PITPNC1: variants seen among roughly 807,000 people sequenced by gnomAD.
The protein encoded by PITPNC1 is cytoplasmic phosphatidylinositol transfer protein 1.
In PITPNC1, 18 loss-of-function variants were observed where a neutral mutation model predicts 44.7. The ratio of observed to expected loss-of-function variants is 0.40; its 90% CI spans 0.28 to 0.60. The LOEUF is 0.60. Ranked by LOEUF, PITPNC1 falls within the 20% of genes least tolerant of loss-of-function variation. The pLI, the probability that PITPNC1 is intolerant of heterozygous loss-of-function variation, is 0.39. For missense variants in PITPNC1, 290 were observed against 418.4 expected, an observed-to-expected ratio of 0.69 and a Z score of 2.68; for synonymous variants, 141 against 149.6, an observed-to-expected ratio of 0.94 and a Z score of 0.42.
At chr17:67,474,705 G>A (rs918830563) in intron 1 of PITPNC1, among the ~76,000 whole-genome samples, 2 of 152,102 alleles carry the variant, frequency 1.3e-5, no homozygotes, top group Admixed American at 1.3e-4. Flanking sequence ...CAAGGCTGGA[G>A]TGCAGTGGCA....
At chr17:67,530,674 A>G (rs1004250534) in intron 1 of PITPNC1, among the ~76,000 whole-genome samples, 10 of 152,156 alleles carry the variant, frequency 6.6e-5, no homozygotes, top group African/African-American at 2.4e-4. Context: ...GTTCCATTCT[A>G]TGGCTGAATA....
chr17:67,412,310 A>G (rs976309263), intron 1 of PITPNC1, among the ~76,000 whole-genome samples: 8 of 152,226 alleles, frequency 5.3e-5, no homozygotes, highest in Admixed American at 3.3e-4. Flanking sequence ...GATGAGAAAC[A>G]TGGGGGTCAA....
intron 1 of PITPNC1, among the ~76,000 whole-genome samples, chr17:67,385,800 T>A (rs1262199230): frequency 1.3e-5 from 2 of 152,012 alleles, no homozygotes; most frequent in Non-Finnish European, 2.9e-5. Flanking sequence ...TAAATAGATT[T>A]GTGCAAACCT....
chr17:67,624,567 C>T (rs2364965), intron 5 of PITPNC1, among the ~76,000 whole-genome samples: 7 of 151,208 alleles, frequency 4.6e-5, no homozygotes, highest in East Asian at 1.9e-4. Context: ...TTATTTATAC[C>T]GAGTCTTGCT....
intron 5 of PITPNC1, among the ~76,000 whole-genome samples, chr17:67,584,550 A>T (rs2041284953): frequency 6.6e-6 from 1 of 152,192 alleles, no homozygotes; most frequent in South Asian, 2.1e-4. Flanking sequence ...TTAAAAAAAA[A>T]ATAGGATAAA....
At position 67,647,464 on chromosome 17, in the gene PITPNC1, GTTTTTTTTTTTTT is replaced by G. The variant is rs60407940; in HGVS notation, c.462+15243_462+15255del. Among the ~76,000 whole-genome samples the G allele has an allele frequency of 1.7e-4, 12 of 72,360 alleles. No homozygotes were observed. The East Asian group carries it at 4.0e-3, about 24-fold the overall frequency. 47.5% of individuals were successfully genotyped at this position (72,360 alleles called of 152,430 possible). ...CACCATCACACCCAGCTAATTTTGG[GTTTTTTTTTTTTT>G]TTTTTTTTTTTTTTTTGTAGAGACG... On this transcript the variant is annotated intron_variant, in intron 6 of 8. Transcript: ENST00000581322.
chr17:67,544,350 T>C (rs573502594), intron 2 of PITPNC1, among the ~76,000 whole-genome samples: 1 of 152,330 alleles, frequency 6.6e-6, no homozygotes, highest in South Asian at 2.1e-4. Context: ...TTCTTTTCAC[T>C]TCGTCGCTAG....
At chr17:67,685,075 C>T (rs868301152) in intron 8 of PITPNC1, among the ~76,000 whole-genome samples, 1 of 152,138 alleles carries the variant, frequency 6.6e-6, no homozygotes, top group Admixed American at 6.5e-5. Flanking sequence ...TAAAAGTGAT[C>T]GTCTAGTATT....
chr17:67,600,624 T>C (rs192395845), intron 5 of PITPNC1, among the ~76,000 whole-genome samples: 2 of 152,116 alleles, frequency 1.3e-5, no homozygotes, highest in East Asian at 2.0e-4. Context: ...ATATTAATAG[T>C]ATTGAGAAAT....
intron 8 of PITPNC1, among the ~76,000 whole-genome samples, chr17:67,678,383 C>CA (rs2042642382): frequency 6.6e-6 from 1 of 152,014 alleles, no homozygotes; most frequent in South Asian, 2.1e-4. Flanking sequence ...GTCTATTGTG[C>CA]AAAAAACCTT....
At chr17:67,509,289 T>C (rs958831612) in intron 1 of PITPNC1, among the ~76,000 whole-genome samples, 10 of 151,600 alleles carry the variant, frequency 6.6e-5, no homozygotes, top group Non-Finnish European at 1.3e-4. Flanking sequence ...CTGTGAGTAC[T>C]TTGGAAGGCC....
At chr17:67,653,459 A>C (rs752197274) in intron 6 of PITPNC1, among the ~76,000 whole-genome samples, 22 of 152,116 alleles carry the variant, frequency 1.4e-4, no homozygotes, top group Admixed American at 3.9e-4. Context: ...TCCTGATGAC[A>C]CCTCGATTTG....
intron 6 of PITPNC1, among the ~76,000 whole-genome samples, chr17:67,645,332 ACTCC>A (rs2042135867): frequency 6.8e-6 from 1 of 146,408 alleles, no homozygotes; most frequent in Non-Finnish European, 1.5e-5. Context: ...CAAGAGCGAA[ACTCC>A]ATCTCAGAAA....
At chr17:67,438,172 A>G (rs555521369) in intron 1 of PITPNC1, among the ~76,000 whole-genome samples, 2 of 152,356 alleles carry the variant, frequency 1.3e-5, no homozygotes, top group African/African-American at 2.4e-5. Context: ...AGCCCTAGCC[A>G]TGAACGTTGT....
chr17:67,391,336 G>A (rs189965232), intron 1 of PITPNC1, among the ~76,000 whole-genome samples: 213 of 151,702 alleles, frequency 1.4e-3, no homozygotes, highest in African/African-American at 5.0e-3. Flanking sequence ...CTGTTCCCCC[G>A]CCCCATGTCA....
chr17:67,444,182 G>A (rs1361962156), intron 1 of PITPNC1, among the ~76,000 whole-genome samples: 2 of 151,990 alleles, frequency 1.3e-5, no homozygotes, highest in African/African-American at 4.8e-5. Context: ...GCAAATCCTA[G>A]ACCTTACTGT....
At chr17:67,465,854 A>T (rs1406508833) in intron 1 of PITPNC1, among the ~76,000 whole-genome samples, 2 of 151,694 alleles carry the variant, frequency 1.3e-5, no homozygotes, top group Admixed American at 6.6e-5. Flanking sequence ...AGGGATTCTC[A>T]TGGAGATGAT....
At chr17:67,526,566 TA>T (rs1001231582) in intron 1 of PITPNC1, among the ~76,000 whole-genome samples, 1 of 151,724 alleles carries the variant, frequency 6.6e-6, no homozygotes, top group Non-Finnish European at 1.5e-5. Flanking sequence ...CCGTTTCTAC[TA>T]AAAAAATAAC....
At chr17:67,545,661 A>G (rs922997274) in intron 2 of PITPNC1, among the ~76,000 whole-genome samples, 2 of 152,182 alleles carry the variant, frequency 1.3e-5, no homozygotes, top group South Asian at 2.1e-4. Flanking sequence ...GCTGCTGCCC[A>G]TGCTATGTTT....
Sources: gnomAD v4.1 joint callset for allele counts (sites outside exome capture counted in the v4.1 genomes callset) on GRCh38, gnomAD v4.1.1 for gene constraint, MANE v1.5 for transcripts, NCBI Gene and HGNC (gene_info 2026-07-23, HGNC 2026-07-21) for gene names.